Variants in SYT9 observed in about 807,000 individuals in gnomAD.
SYT9 encodes synaptotagmin-9.
In SYT9, 22 loss-of-function variants were observed where a neutral mutation model predicts 48.4. The observed-to-expected ratio is 0.45, with a 90% confidence interval of 0.32 to 0.65. The LOEUF (loss-of-function observed/expected upper bound fraction) is 0.65. Ranked by LOEUF, SYT9 falls within the 30% of genes least tolerant of loss-of-function variation. The pLI, the probability that SYT9 is intolerant of heterozygous loss-of-function variation, is 0.03. For synonymous variants in SYT9, 265 were observed against 245.0 expected, an observed-to-expected ratio of 1.08 and a Z score of -0.76; for missense variants, 577 against 622.0, an observed-to-expected ratio of 0.93 and a Z score of 0.77.
At chr11:7,251,125 CA>C (rs369168119), upstream of SYT9, among the ~76,000 whole-genome samples, 12,288 of 150,804 alleles carry the variant, frequency 0.081, 642 homozygotes, top group South Asian at 0.19. Flanking sequence ...CACACACACA[CA>C]CACACACCCA....
intron 3 of SYT9, among the ~76,000 whole-genome samples, chr11:7,374,333 G>T (rs1850416078): frequency 1.3e-5 from 2 of 151,964 alleles, no homozygotes; most frequent in Admixed American, 6.6e-5. Context: ...ATGGGCATTT[G>T]GTTGTTTCCA....
At chr11:7,378,229 G>C (rs964629651) in intron 3 of SYT9, among the ~76,000 whole-genome samples, 4 of 152,104 alleles carry the variant, frequency 2.6e-5, no homozygotes, top group Non-Finnish European at 5.9e-5. Flanking sequence ...TGGGTGTGGG[G>C]GTTAAGAATA....
At chr11:7,258,444 A>G (rs1057200111) in intron 1 of SYT9, among the ~76,000 whole-genome samples, 1 of 152,132 alleles carries the variant, frequency 6.6e-6, no homozygotes, top group African/African-American at 2.4e-5. Flanking sequence ...AGGGCTTTAG[A>G]CCACATCAAA....
chr11:7,292,463 AGGGTGCAGGC>A (rs1450336845), intron 1 of SYT9, among the ~76,000 whole-genome samples: 2 of 152,168 alleles, frequency 1.3e-5, no homozygotes, highest in Non-Finnish European at 2.9e-5. Flanking sequence ...GGCCCAGGAG[AGGGTGCAGGC>A]GGCCCAAAGT....
intron 6 of SYT9, chr11:7,456,671 T>C (rs145430153): frequency 2.0e-5 from 3 of 152,308 alleles, no homozygotes; most frequent in African/African-American, 7.2e-5. Flanking sequence ...ATCTCTTTGG[T>C]ATTTATATTT....
chr11:7,249,013 C>T (rs1188902301), upstream of SYT9, among the ~76,000 whole-genome samples: 1 of 152,074 alleles, frequency 6.6e-6, no homozygotes, highest in Non-Finnish European at 1.5e-5. Context: ...GAATAGAGAA[C>T]CCAGAAATAA....
intron 3 of SYT9, among the ~76,000 whole-genome samples, chr11:7,322,337 G>A (rs1218888195): frequency 6.6e-6 from 1 of 152,192 alleles, no homozygotes; most frequent in Admixed American, 6.5e-5. Context: ...TAAGGGACAA[G>A]CAACTCGAAA....
intron 3 of SYT9, among the ~76,000 whole-genome samples, chr11:7,330,808 T>C (rs2133977271): frequency 6.6e-6 from 1 of 152,306 alleles, no homozygotes; most frequent in South Asian, 2.1e-4. Flanking sequence ...GCGATTCTCC[T>C]GCCTCAGCCT....
chr11:7,389,888 CAAG>C (rs1351799226), intron 3 of SYT9, among the ~76,000 whole-genome samples: 2 of 152,034 alleles, frequency 1.3e-5, no homozygotes, highest in Non-Finnish European at 2.9e-5. Flanking sequence ...ACATGAAATA[CAAG>C]AAGACTTTGT....
chr11:7,345,060 A>G (rs915685757), intron 3 of SYT9, among the ~76,000 whole-genome samples: 2 of 152,158 alleles, frequency 1.3e-5, no homozygotes, highest in African/African-American at 4.8e-5. Flanking sequence ...CATCACAAAC[A>G]GTGTATCTCT....
intron 1 of SYT9, among the ~76,000 whole-genome samples, chr11:7,297,264 A>C (rs1003462321): frequency 1.3e-5 from 2 of 152,228 alleles, no homozygotes; most frequent in Non-Finnish European, 2.9e-5. Context: ...ACTTTCCATC[A>C]GGAAATTGAC....
At chr11:7,242,618 T>C (rs992726566) in intron 1 of SYT9, among the ~76,000 whole-genome samples, 3 of 152,360 alleles carry the variant, frequency 2.0e-5, no homozygotes, top group African/African-American at 7.2e-5. Flanking sequence ...CCTCTAGGAT[T>C]CTAAATTCCA....
chr11:7,240,789 A>G (rs1378235256), intron 1 of SYT9, among the ~76,000 whole-genome samples: 1 of 152,134 alleles, frequency 6.6e-6, no homozygotes, highest in Non-Finnish European at 1.5e-5. Context: ...ATTAAGATAT[A>G]CCTCTTCTTC....
At chr11:7,418,891 C>T (rs1217037299) in intron 5 of SYT9, among the ~76,000 whole-genome samples, 1 of 152,214 alleles carries the variant, frequency 6.6e-6, no homozygotes, top group Non-Finnish European at 1.5e-5. Flanking sequence ...GGAAACCTCC[C>T]ACGTGGTCTG....
chr11:7,246,983 A>T (rs906051658), upstream of SYT9, among the ~76,000 whole-genome samples: 4 of 152,230 alleles, frequency 2.6e-5, no homozygotes, highest in African/African-American at 9.6e-5. Flanking sequence ...TCCAAGCTCA[A>T]GGTTGCAGCC....
chr11:7,328,943 G>A (rs950004649), intron 3 of SYT9, among the ~76,000 whole-genome samples: 4 of 151,936 alleles, frequency 2.6e-5, no homozygotes, highest in Non-Finnish European at 4.4e-5. Context: ...GAAATCAACC[G>A]CTCTCTATGT....
intron 6 of SYT9, among the ~76,000 whole-genome samples, chr11:7,443,516 C>G (rs1205151501): frequency 6.6e-6 from 1 of 152,232 alleles, no homozygotes; most frequent in African/African-American, 2.4e-5. Flanking sequence ...ATGAAAGAGG[C>G]TGCGCAGCAG....
intron 1 of SYT9, among the ~76,000 whole-genome samples, chr11:7,269,314 G>C (rs904351919): frequency 6.6e-6 from 1 of 151,898 alleles, no homozygotes; most frequent in African/African-American, 2.4e-5. Flanking sequence ...TTTTTCATGT[G>C]GTTTAAATTT....
intron 3 of SYT9, among the ~76,000 whole-genome samples, chr11:7,373,354 T>G (rs1304487752): frequency 1.3e-5 from 2 of 152,144 alleles, no homozygotes; most frequent in Non-Finnish European, 2.9e-5. Context: ...ACACGTGTTA[T>G]TTTATCATTC....
Sources: allele counts gnomAD v4.1 joint callset (sites outside exome capture counted in the v4.1 genomes callset), GRCh38; gene constraint gnomAD v4.1.1; transcripts MANE v1.5; gene names NCBI Gene and HGNC (gene_info 2026-07-23, HGNC 2026-07-21).